LDLRAD4: variants seen among roughly 807,000 people sequenced by gnomAD.
LDLRAD4 encodes the protein low-density lipoprotein receptor class A domain-containing protein 4.
In LDLRAD4, 5 loss-of-function variants were observed where a neutral mutation model predicts 17.0. The observed-to-expected ratio is 0.29, with a 90% CI of 0.15 to 0.62. LDLRAD4 has a LOEUF of 0.62. LDLRAD4 is among the 20% of genes least tolerant of loss of function. The probability of loss-of-function intolerance (pLI) is 0.84; values close to 1 mark genes in which losing one functional copy is unlikely to be tolerated. For synonymous variants in LDLRAD4, 168 were observed against 171.8 expected, an observed-to-expected ratio of 0.98 and a Z score of 0.17; for missense variants, 340 against 424.7, an observed-to-expected ratio of 0.80 and a Z score of 1.75.
intron 3 of LDLRAD4, chr18:13,465,183 T>A (rs1161784919): frequency 6.6e-6 from 1 of 152,256 alleles, no homozygotes; most frequent in Non-Finnish European, 1.5e-5. Flanking sequence ...TTTTAAAATC[T>A]GACTTTATTT....
In LDLRAD4 at chr18:13,403,370, C is replaced by T. The variant is rs7241125; in HGVS notation, c.40+15608C>T. Among the ~76,000 whole-genome samples the T allele has an allele frequency of 9.7e-3, 1,484 of 152,276 alleles. 20 individuals are homozygous for T. The highest frequency in any genetic ancestry group is 0.034 in the African/African-American group (1,424 of 41,544). The stretch of plus-strand genomic sequence containing the variant: ...CTCTCTTCTGTGGTGAAAAATATAT[C>T]GGCCTGGTGCAGTGTCATAGACTGA... On this transcript the variant is annotated intron_variant, in intron 2 of 5. Transcript: ENST00000359446.
At chr18:13,296,247 T>C (rs1310165928) in intron 1 of LDLRAD4, among the ~76,000 whole-genome samples, 1 of 152,264 alleles carries the variant, frequency 6.6e-6, no homozygotes, top group Non-Finnish European at 1.5e-5. Flanking sequence ...GTGATTCTTC[T>C]GTATAAGCTT....
At chr18:13,519,132 C>G (rs2147618801) in intron 3 of LDLRAD4, among the ~76,000 whole-genome samples, 1 of 152,380 alleles carries the variant, frequency 6.6e-6, no homozygotes, top group Non-Finnish European at 1.5e-5. Context: ...TGAATGAACT[C>G]TCTAAGTTCC....
chr18:13,549,378 G>C (rs1050541206), intron 3 of LDLRAD4, among the ~76,000 whole-genome samples: 3 of 152,074 alleles, frequency 2.0e-5, no homozygotes, highest in Non-Finnish European at 4.4e-5. Flanking sequence ...GAGGAATCAC[G>C]CTGGATAGTG....
At chr18:13,650,461 C>T in exon 6 of LDLRAD4, 1 of 397,864 alleles carries the variant, frequency 2.5e-6, no homozygotes. Flanking sequence ...TAGATATACC[C>T]CTATCATGTC....
At chr18:13,289,694 G>A (rs1257093855) in intron 1 of LDLRAD4, among the ~76,000 whole-genome samples, 1 of 152,210 alleles carries the variant, frequency 6.6e-6, no homozygotes, top group Non-Finnish European at 1.5e-5. Context: ...CACAGACCCA[G>A]CTGTGTCCAG....
intron 3 of LDLRAD4, among the ~76,000 whole-genome samples, chr18:13,450,343 A>G (rs933426427): frequency 7.6e-6 from 1 of 131,790 alleles, no homozygotes; most frequent in Non-Finnish European, 1.7e-5. Flanking sequence ...CCCCCAAAAA[A>G]ACACACAAGA....
chr18:13,390,444 G>T (rs2086181755), intron 2 of LDLRAD4, among the ~76,000 whole-genome samples: 1 of 152,214 alleles, frequency 6.6e-6, no homozygotes, highest in Admixed American at 6.5e-5. Context: ...GTACACACGG[G>T]TTCCCTGGGG....
intron 1 of LDLRAD4, among the ~76,000 whole-genome samples, chr18:13,383,247 A>G: frequency 6.6e-6 from 1 of 152,312 alleles, no homozygotes; most frequent in African/African-American, 2.4e-5. Context: ...CTCAGGAAAT[A>G]CGTATTTACT....
In LDLRAD4 at chr18:13,440,211, C is replaced by A. The variant is rs905897797; in HGVS notation, c.181+1827C>A. 2.6e-5 allele frequency among the ~76,000 whole-genome samples: 4 copies of A among 152,224 alleles called. No homozygotes were observed. The highest frequency in any genetic ancestry group is 9.6e-5 in the African/African-American group (4 of 41,464). On this transcript the variant is annotated intron_variant, in intron 3 of 5. Coordinates refer to ENST00000359446, the Ensembl canonical transcript of LDLRAD4. This position sits in a 1 kb window ranked among gnomAD's most constrained non-coding sequence, Gnocchi z 4.4. ...GGCCTCTTCTGGTCTGCGGGCTCCT[C>A]CTTTACTTCAGGGCCCTTTTGCCGA...
chr18:13,500,812 G>A (rs1333844270), intron 3 of LDLRAD4: 1 of 152,292 alleles, frequency 6.6e-6, no homozygotes, highest in East Asian at 1.9e-4. Context: ...GGAACCAGCT[G>A]GGAGTTTGTG....
At chr18:13,346,605 G>A (rs1278335275) in intron 1 of LDLRAD4, among the ~76,000 whole-genome samples, 1 of 152,202 alleles carries the variant, frequency 6.6e-6, no homozygotes. Flanking sequence ...GCTTGGTACA[G>A]AGCTGAGTTC....
At chr18:13,626,953 T>A (rs1363083231) in intron 4 of LDLRAD4, among the ~76,000 whole-genome samples, 1 of 152,230 alleles carries the variant, frequency 6.6e-6, no homozygotes, top group African/African-American at 2.4e-5. Flanking sequence ...CCACAGGGTG[T>A]TCGAACCTAA....
At chr18:13,228,105 T>A (rs563007042) in intron 1 of LDLRAD4, among the ~76,000 whole-genome samples, 44 of 152,292 alleles carry the variant, frequency 2.9e-4, no homozygotes, top group African/African-American at 1.1e-3. Context: ...AGCACCACAC[T>A]CTGTCCCAGG....
chr18:13,608,746 C>T (rs78435014), intron 3 of LDLRAD4, among the ~76,000 whole-genome samples: 5,560 of 152,290 alleles, frequency 0.037, 131 homozygotes, highest in Non-Finnish European at 0.058. Context: ...GAACCTGAGA[C>T]GAGCTCAGCC....
At chr18:13,483,709 T>C (rs754977487) in intron 3 of LDLRAD4, among the ~76,000 whole-genome samples, 7 of 152,198 alleles carry the variant, frequency 4.6e-5, no homozygotes, top group Non-Finnish European at 2.9e-5. Context: ...GGGTAGACGT[T>C]ATCTCCACTT....
At chr18:13,547,449 C>T (rs771879366) in intron 3 of LDLRAD4, among the ~76,000 whole-genome samples, 10 of 152,208 alleles carry the variant, frequency 6.6e-5, no homozygotes, top group Non-Finnish European at 2.9e-5. Flanking sequence ...CCGGTGGCAC[C>T]TTTGACTGAG....
intron 3 of LDLRAD4, among the ~76,000 whole-genome samples, chr18:13,591,406 ATG>A (rs1289146626): frequency 1.3e-5 from 1 of 79,824 alleles, no homozygotes; most frequent in South Asian, 4.6e-4. Context: ...TTCCAAAGAG[ATG>A]TGTGTGTATG....
intron 1 of LDLRAD4, among the ~76,000 whole-genome samples, chr18:13,314,588 G>C (rs768908370): frequency 2.4e-4 from 37 of 152,222 alleles, no homozygotes; most frequent in Non-Finnish European, 4.1e-4. Flanking sequence ...TGAACGCAGT[G>C]TTCTGTGATG....
Sources: allele counts gnomAD v4.1 joint callset (sites outside exome capture counted in the v4.1 genomes callset), GRCh38; gene constraint gnomAD v4.1.1; non-coding constraint Gnocchi (gnomAD v3.1); transcripts MANE v1.5; gene names NCBI Gene and HGNC (gene_info 2026-07-23, HGNC 2026-07-21).